PHF21B: variants seen among roughly 807,000 people sequenced by gnomAD.
The protein encoded by PHF21B is PHD finger protein 4.
In PHF21B, 22 loss-of-function variants were observed where a neutral mutation model predicts 62.2. That is an observed-to-expected ratio of 0.35 (90% CI 0.25 to 0.51). The LOEUF (loss-of-function observed/expected upper bound fraction) is 0.51. PHF21B is among the 20% of genes least tolerant of loss of function. PHF21B has a pLI of 0.97. For synonymous variants in PHF21B, 341 were observed against 314.7 expected, an observed-to-expected ratio of 1.08 and a Z score of -0.88; for missense variants, 701 against 707.9, an observed-to-expected ratio of 0.99 and a Z score of 0.11.
chr22:44,904,408 GTTCTT>G (rs138929479), intron 5 of PHF21B, among the ~76,000 whole-genome samples: 1,637 of 152,128 alleles, frequency 0.011, 37 homozygotes, highest in African/African-American at 0.038. Flanking sequence ...CAAAAGCACA[GTTCTT>G]TTAAGGATGG....
At chr22:44,986,521 CAAAAAAAAAAAAA>C (rs3063310) in intron 2 of PHF21B, among the ~76,000 whole-genome samples, 7 of 85,882 alleles carry the variant, frequency 8.2e-5, no homozygotes, top group Non-Finnish European at 1.4e-4. Flanking sequence ...GATCTTATTT[CAAAAAAAAAAAAA>C]AAAAAAAAAA....
chr22:44,921,359 CTTTT>C (rs11309607), intron 2 of PHF21B, among the ~76,000 whole-genome samples: 18 of 147,036 alleles, frequency 1.2e-4, no homozygotes, highest in African/African-American at 4.2e-4. Context: ...CGGAACAGTT[CTTTT>C]TTTTTTTCTT....
chr22:44,948,003 T>TGTTGTCCCTCCTCCCC (rs1224951380), intron 2 of PHF21B, among the ~76,000 whole-genome samples: 1 of 151,904 alleles, frequency 6.6e-6, no homozygotes, highest in South Asian at 2.1e-4. Context: ...TCCTCCCCGC[T>TGTTGTCCCTCCTCCCC]GTTGTCCCTC....
At chr22:44,945,928 C>T (rs116548000) in intron 2 of PHF21B, among the ~76,000 whole-genome samples, 1,628 of 152,254 alleles carry the variant, frequency 0.011, 34 homozygotes, top group African/African-American at 0.037. Context: ...CAGGGCCACC[C>T]GTGCTGTTCC....
intron 4 of PHF21B, 126 bp from the exon 5 acceptor site, chr22:44,914,214 G>A (rs1052064581): frequency 3.9e-5 from 22 of 567,652 alleles, no homozygotes; most frequent in South Asian, 1.0e-4. Context: ...CTGGGAGGGC[G>A]GATCCCCGGG....
chr22:44,978,617 C>G (rs1395459588), intron 2 of PHF21B, among the ~76,000 whole-genome samples: 1 of 152,246 alleles, frequency 6.6e-6, no homozygotes, highest in African/African-American at 2.4e-5. Flanking sequence ...CCTCGGTCTC[C>G]CAAAGTGCTG....
chr22:44,889,125 G>A (rs995004529), intron 9 of PHF21B, among the ~76,000 whole-genome samples: 8 of 152,254 alleles, frequency 5.3e-5, no homozygotes, highest in African/African-American at 9.6e-5. Flanking sequence ...AGGCTTGACA[G>A]TTACAAGCAT....
chr22:44,962,333 GTAAGTTGAAAATATCC>G (rs2072440484), intron 2 of PHF21B, among the ~76,000 whole-genome samples: 1 of 152,182 alleles, frequency 6.6e-6, no homozygotes, highest in Admixed American at 6.5e-5. Flanking sequence ...TAAAGTCACT[GTAAGTTGAAAATATCC>G]TAAGTTGAAA....
In PHF21B at chr22:44,888,031, T is replaced by A. The variant is rs1220946113; in HGVS notation, c.1129A>T (p.Ser377Cys). Residue 377 changes from serine (S) to cysteine (C), a missense_variant, in exon 10 of 13, where the codon AGC (serine) becomes TGC (cysteine). By Grantham distance (112) the Ser-to-Cys change is moderately radical. Transcript: ENST00000313237. The part of the protein sequence containing the change: ...CGTCPGAYHL[S>C]CLEPPLKTAP... ...GTCTTGAGGGGCGGCTCCAGGCAGC[T>A]GAGGTGGTAGGCCCCCGGGCAGGTG... 6.4e-7 allele frequency: 1 copy of A among 1,563,218 alleles called. No homozygotes were observed. Among genetic ancestry groups the A allele is most frequent in the South Asian group, 1.2e-5 (1 of 84,774 alleles).
intron 2 of PHF21B, among the ~76,000 whole-genome samples, chr22:44,954,110 C>T (rs952165635): frequency 6.6e-6 from 1 of 152,218 alleles, no homozygotes; most frequent in Non-Finnish European, 1.5e-5. Context: ...AGGAAAGCTA[C>T]CAGCTGATGC....
intron 2 of PHF21B, among the ~76,000 whole-genome samples, chr22:44,941,321 C>T (rs1445983503): frequency 2.0e-5 from 3 of 152,196 alleles, no homozygotes; most frequent in South Asian, 2.1e-4. Context: ...CAGCTCTCAG[C>T]GGGGACTTCG....
chr22:44,943,575 G>A (rs965039212), intron 2 of PHF21B, among the ~76,000 whole-genome samples: 17 of 152,178 alleles, frequency 1.1e-4, no homozygotes, highest in Non-Finnish European at 2.2e-4. Flanking sequence ...AGGCCCCGCG[G>A]GCTCTAGAGT....
At chr22:44,910,239 A>G (rs2071322013) in intron 5 of PHF21B, among the ~76,000 whole-genome samples, 1 of 152,184 alleles carries the variant, frequency 6.6e-6, no homozygotes, top group Admixed American at 6.5e-5. Flanking sequence ...CTGGGGGCCA[A>G]CATGTCTCAA....
At chr22:44,954,853 C>T (rs376556646) in intron 2 of PHF21B, among the ~76,000 whole-genome samples, 8 of 152,282 alleles carry the variant, frequency 5.3e-5, no homozygotes, top group Middle Eastern at 3.4e-3. Context: ...CCTCCGAAGT[C>T]GGGCTTTGAA....
At chr22:44,954,224 G>C (rs892806321) in intron 2 of PHF21B, among the ~76,000 whole-genome samples, 2 of 152,124 alleles carry the variant, frequency 1.3e-5, no homozygotes, top group African/African-American at 4.8e-5. Flanking sequence ...AAATACTTTT[G>C]CAAGCACCCA....
At chr22:44,950,861 T>A (rs371716335) in intron 2 of PHF21B, among the ~76,000 whole-genome samples, 167 of 152,278 alleles carry the variant, frequency 1.1e-3, no homozygotes, top group African/African-American at 3.7e-3. Flanking sequence ...GACGCTTGAT[T>A]TTTTTCTTAC....
intron 2 of PHF21B, among the ~76,000 whole-genome samples, chr22:44,990,503 G>A (rs887771959): frequency 2.0e-5 from 3 of 152,198 alleles, no homozygotes; most frequent in Admixed American, 6.5e-5. Context: ...AAGTTCTGAC[G>A]CACGCTACAA....
At chr22:44,921,615 G>A (rs1015067051) in intron 2 of PHF21B, among the ~76,000 whole-genome samples, 13 of 150,886 alleles carry the variant, frequency 8.6e-5, no homozygotes, top group South Asian at 2.1e-4. Context: ...TCCACCCCCC[G>A]CCTCGGCCTC....
At chr22:44,992,750 G>A (rs527814519) in intron 2 of PHF21B, among the ~76,000 whole-genome samples, 2 of 152,182 alleles carry the variant, frequency 1.3e-5, no homozygotes, top group Non-Finnish European at 2.9e-5. Flanking sequence ...TGAGTGATGT[G>A]GCGGGGTGGG....
Sources: allele counts gnomAD v4.1 joint callset (sites outside exome capture counted in the v4.1 genomes callset), GRCh38; gene constraint gnomAD v4.1.1; transcripts MANE v1.5; gene names NCBI Gene and HGNC (gene_info 2026-07-23, HGNC 2026-07-21).